The following LARGE1 variants were observed in gnomAD, a reference collection of about 807,000 sequenced individuals.
LARGE1 encodes the protein xylosyl- and glucuronyltransferase LARGE1.
LARGE1 carries 43 observed loss-of-function variants against 87.6 expected under a neutral mutation model. That is an observed-to-expected ratio of 0.49 (90% confidence interval 0.38 to 0.63). LARGE1 has a LOEUF of 0.63. LARGE1 is among the 30% of genes least tolerant of loss of function. The pLI, the probability that LARGE1 is intolerant of heterozygous loss-of-function variation, is 0.00. For missense variants in LARGE1, 802 were observed against 1,000.2 expected (o/e 0.80, Z 2.67); for synonymous variants, 434 against 394.6 (o/e 1.10, Z -1.18).
chr22:33,351,645 T>C (rs1391830335), intron 9 of LARGE1, among the ~76,000 whole-genome samples: 1 of 152,142 alleles, frequency 6.6e-6, no homozygotes, highest in Non-Finnish European at 1.5e-5. Context: ...TATATGTAGA[T>C]ACTACTACCC....
intron 5 of LARGE1, among the ~76,000 whole-genome samples, chr22:33,570,642 A>T (rs2148817836): frequency 2.0e-5 from 1 of 50,470 alleles, no homozygotes; most frequent in South Asian, 8.5e-4. Context: ...GCGAGACTCC[A>T]TTTCAAAAAA....
rs530960138 is a variant in LARGE1, at chr22:33,338,598, G to A, written c.1132-797C>T. 3.4e-4 allele frequency among the ~76,000 whole-genome samples: 52 copies of A among 152,298 alleles called. 1 individual carries two copies. Among genetic ancestry groups the A allele is most frequent in the African/African-American group, 1.1e-3 (47 of 41,584 alleles). On this transcript the variant is annotated intron_variant, in intron 9 of 14. Transcript: ENST00000397394. ...TGTGGTTTCTGCCTCCAGCTAGGAC[G>A]TTGAATGATACACTGTCTCATAAAG...
intron 1 of LARGE1, among the ~76,000 whole-genome samples, chr22:33,786,390 T>C (rs2145945120): frequency 6.6e-6 from 1 of 152,358 alleles, no homozygotes; most frequent in East Asian, 1.9e-4. Flanking sequence ...CACTTCTCTT[T>C]TGAGGAATTA....
At chr22:33,239,828 G>T (rs1046951603) in intron 11 of LARGE1, among the ~76,000 whole-genome samples, 2 of 151,978 alleles carry the variant, frequency 1.3e-5, no homozygotes, top group African/African-American at 2.4e-5. Flanking sequence ...GAGCCACTGC[G>T]CCTGGCCTGC....
At chr22:33,427,396 G>A in intron 7 of LARGE1, among the ~76,000 whole-genome samples, 1 of 152,204 alleles carries the variant, frequency 6.6e-6, no homozygotes, top group South Asian at 2.1e-4. Context: ...AGATGAATGG[G>A]AGATGGTGGA....
At chr22:33,884,208 G>A (rs558053565) in intron 1 of LARGE1, among the ~76,000 whole-genome samples, 18 of 152,296 alleles carry the variant, frequency 1.2e-4, no homozygotes, top group South Asian at 4.2e-4. Context: ...GGTTGGCCTC[G>A]GTCAATGCCA....
At chr22:33,214,152 A>T (rs945505406) in intron 11 of LARGE1, among the ~76,000 whole-genome samples, 4 of 152,234 alleles carry the variant, frequency 2.6e-5, no homozygotes, top group African/African-American at 9.6e-5. Context: ...TAGCTTAAAC[A>T]GTAGAAATTT....
At chr22:33,896,392 T>C (rs2065146165) in intron 1 of LARGE1, among the ~76,000 whole-genome samples, 1 of 152,216 alleles carries the variant, frequency 6.6e-6, no homozygotes, top group South Asian at 2.1e-4. Context: ...GCTATGAACA[T>C]GAGTATGCAA....
intron 6 of LARGE1, among the ~76,000 whole-genome samples, chr22:33,533,632 G>C (rs1397288578): frequency 6.6e-6 from 1 of 152,194 alleles, no homozygotes; most frequent in Non-Finnish European, 1.5e-5. Flanking sequence ...CGTTAGCCCA[G>C]CAACTGCACT....
chr22:33,652,057 T>C (rs1275627327), intron 2 of LARGE1, among the ~76,000 whole-genome samples: 1 of 152,040 alleles, frequency 6.6e-6, no homozygotes, highest in East Asian at 1.9e-4. Context: ...CTGTATACAG[T>C]CCCAGCTACT....
intron 6 of LARGE1, among the ~76,000 whole-genome samples, chr22:33,488,752 T>G (rs560771710): frequency 6.6e-6 from 1 of 152,286 alleles, no homozygotes; most frequent in Admixed American, 6.5e-5. Context: ...AAATAAATCA[T>G]GCGCTAATCA....
chr22:33,124,615 A>G, the LARGE1 span, among the ~76,000 whole-genome samples: 108 of 151,958 alleles, frequency 7.1e-4, 1 homozygote, highest in Middle Eastern at 0.017. Flanking sequence ...ATCTCTCACC[A>G]TTGCCTCATC....
intron 1 of LARGE1, among the ~76,000 whole-genome samples, chr22:33,826,453 C>T (rs750318859): frequency 9.2e-5 from 14 of 151,884 alleles, no homozygotes; most frequent in South Asian, 2.1e-4. Context: ...AGCAGTTCTC[C>T]TACCTCAGCC....
Position 33,458,395 on chromosome 22 carries a change from T to C in LARGE1, c.788-26130A>G, listed in dbSNP as rs80235103. On this transcript the variant is annotated intron_variant, in intron 6 of 14. Transcript: ENST00000397394. ...CTGGGATTACAGGCGTGAGCCACCG[T>C]GCCCGGCCAAAAATGTCTATTTTTA... is the stretch of plus-strand genomic sequence containing the variant. Among the ~76,000 whole-genome samples, 10 of 152,028 alleles carry C rather than the reference T, an allele frequency of 6.6e-5. No homozygotes were observed. In the East Asian group the frequency reaches 1.6e-3, roughly 24 times the overall value.
intron 4 of LARGE1, among the ~76,000 whole-genome samples, chr22:33,611,328 G>A (rs2079423234): frequency 1.3e-5 from 2 of 152,264 alleles, no homozygotes; most frequent in African/African-American, 4.8e-5. Context: ...AAAGCCACAG[G>A]AGTGTTCCTG....
intron 1 of LARGE1, among the ~76,000 whole-genome samples, chr22:33,918,151 A>G (rs569886833): frequency 6.6e-6 from 1 of 152,300 alleles, no homozygotes; most frequent in East Asian, 1.9e-4. Flanking sequence ...GATGAGATGA[A>G]AAAAACCTTT....
At chr22:33,819,843 C>T (rs1053326731) in intron 1 of LARGE1, among the ~76,000 whole-genome samples, 1 of 152,176 alleles carries the variant, frequency 6.6e-6, no homozygotes, top group African/African-American at 2.4e-5. Context: ...TTCACCAAAG[C>T]CTGGGCACAG....
chr22:33,223,249 G>C (rs1052391778), intron 11 of LARGE1, among the ~76,000 whole-genome samples: 1 of 152,144 alleles, frequency 6.6e-6, no homozygotes, highest in Non-Finnish European at 1.5e-5. Context: ...TAAGTCAAAG[G>C]GGCAAGGCAG....
chr22:33,412,063 C>G (rs977709075), intron 7 of LARGE1, among the ~76,000 whole-genome samples: 4 of 152,126 alleles, frequency 2.6e-5, no homozygotes, highest in Non-Finnish European at 4.4e-5. Flanking sequence ...GCGGGCAGAT[C>G]ACTTGAGGTC....
Sources: allele counts gnomAD v4.1 joint callset (sites outside exome capture counted in the v4.1 genomes callset), GRCh38; gene constraint gnomAD v4.1.1; transcripts MANE v1.5; gene names NCBI Gene and HGNC (gene_info 2026-07-23, HGNC 2026-07-21).